The following TUBE1 variants were observed in gnomAD, a reference collection of about 807,000 sequenced individuals.
The protein encoded by TUBE1 is tubulin epsilon 1, also known as tubulin epsilon chain.
A neutral mutation model predicts 53.5 loss-of-function variants in TUBE1; 34 were observed. That is an observed-to-expected ratio of 0.64 (90% CI 0.48 to 0.85). The LOEUF (loss-of-function observed/expected upper bound fraction) is 0.85, where lower values mean the gene tolerates loss of function less well. Among genes scored for constraint, TUBE1 ranks in the 40% least tolerant of loss-of-function variants. The pLI is 0.00. For missense variants in TUBE1, 532 were observed against 570.5 expected (o/e 0.93, Z 0.69); for synonymous variants, 177 against 198.4 (o/e 0.89, Z 0.91).
At chr6:112,079,421 T>TAAAAAAAAAAAAAAAAAAAAAA (rs60207053) in intron 6 of TUBE1, 2 of 296,198 alleles carry the variant, frequency 6.8e-6, no homozygotes, top group African/African-American at 2.6e-5. Context: ...GGGCTTACAT[T>TAAAAAAAAAAAAAAAAAAAAAA]AAAAAAAAAA....
chr6:112,087,443 G>T lies in TUBE1; in HGVS notation c.-9C>A. 6.5e-7 allele frequency: 1 copy of T among 1,549,822 alleles called. No individual in the cohort carries two copies. Among genetic ancestry groups the T allele is most frequent in the Non-Finnish European group, 8.7e-7 (1 of 1,146,012 alleles). Reference sequence around the variant, plus strand: ...ACCACCGACTGGGTCATGGTGGTGCGCCGCCGGCTCCGGGAGCTTGCTAGC... The same window carrying T: ...ACCACCGACTGGGTCATGGTGGTGCTCCGCCGGCTCCGGGAGCTTGCTAGC... On this transcript the variant is annotated 5_prime_UTR_variant, in exon 1 of 12. Coordinates refer to ENST00000368662, the MANE Select transcript of TUBE1 (RefSeq NM_016262.5).
In TUBE1 at chr6:112,087,458, A is replaced by T. The variant is rs1382225017; in HGVS notation, c.-24T>A. ...ATGGTGGTGCGCCGCCGGCTCCGGG[A>T]GCTTGCTAGCCCGCGGCCGCTTCTG... On this transcript the variant is annotated 5_prime_UTR_variant, in exon 1 of 12. Coordinates refer to ENST00000368662, the MANE Select transcript of TUBE1 (RefSeq NM_016262.5). 4 of 1,548,906 alleles carry T rather than the reference A, an allele frequency of 2.6e-6. No individual in the cohort carries two copies. In the Admixed American group the frequency reaches 7.9e-5, roughly 30 times the overall value.
Position 112,071,924 on chromosome 6 carries a change from A to G in TUBE1, c.1247T>C (p.Phe416Ser). Reference protein sequence around the residue: ...KPTFMELKERFMRLYKKKAHL... With the variant: ...KPTFMELKERSMRLYKKKAHL... ...TACCTTTTTCTTGTAGAGCCTCATG[A>G]ATCTCTCTTTCAGTTCCATGAAGGT... The change falls in exon 11 of 12, where the codon TTC (phenylalanine) becomes TCC (serine). Residue 416 changes from phenylalanine (F) to serine (S), a missense_variant. By Grantham distance (155) the Phe-to-Ser change is radical. Coordinates refer to ENST00000368662, the MANE Select transcript of TUBE1 (RefSeq NM_016262.5). The G allele has an allele frequency of 1.2e-6, 2 of 1,604,526 alleles. No homozygotes were observed. The highest frequency in any genetic ancestry group is 1.7e-6 in the Non-Finnish European group (2 of 1,177,700).
At chr6:112,072,678 A>T (rs1554315513) in intron 10 of TUBE1, 80 bp downstream of exon 10, 1 of 1,465,374 alleles carries the variant, frequency 6.8e-7, no homozygotes, top group Non-Finnish European at 9.2e-7. Flanking sequence ...CTAGAATTTG[A>T]AGGGCGGCTG....
At chr6:112,078,972 T>C (rs1157527301) in intron 6 of TUBE1, among the ~76,000 whole-genome samples, 1 of 152,096 alleles carries the variant, frequency 6.6e-6, no homozygotes, top group East Asian at 1.9e-4. Context: ...TTGCTAAGCG[T>C]ATTTAAAAAT....
intron 5 of TUBE1, among the ~76,000 whole-genome samples, 164 bp downstream of exon 5, chr6:112,080,928 A>G (rs1777059675): frequency 6.6e-6 from 1 of 152,156 alleles, no homozygotes; most frequent in Non-Finnish European, 1.5e-5. Context: ...AACTAGGAGT[A>G]AATACAGGTG....
intron 9 of TUBE1, among the ~76,000 whole-genome samples, chr6:112,073,566 G>A (rs1289826840): frequency 3.3e-5 from 5 of 152,240 alleles, no homozygotes; most frequent in South Asian, 2.1e-4. Context: ...TGCATACACT[G>A]TGTATGTTGC....
chr6:112,071,690 G>C (rs1776868721), intron 11 of TUBE1, 120 bp from the exon 12 acceptor site: 2 of 1,006,050 alleles, frequency 2.0e-6, no homozygotes, highest in Admixed American at 5.8e-5. Context: ...ATTTGAAAGA[G>C]AACTTGTGTC....
At chr6:112,083,720 A>C (rs1447423285) in intron 4 of TUBE1, among the ~76,000 whole-genome samples, 2 of 152,248 alleles carry the variant, frequency 1.3e-5, no homozygotes, top group African/African-American at 2.4e-5. Flanking sequence ...ATATTGTTGG[A>C]ATGATTAAGA....
At chr6:112,083,567 T>C (rs1631968) in intron 4 of TUBE1, among the ~76,000 whole-genome samples, 46,763 of 151,848 alleles carry the variant, frequency 0.31, 7,675 homozygotes, top group African/African-American at 0.44. Flanking sequence ...ATCTGCCCGC[T>C]TCGGCCTCCC....
chr6:112,082,989 T>C (rs1554316919), intron 4 of TUBE1, among the ~76,000 whole-genome samples: 1 of 152,164 alleles, frequency 6.6e-6, no homozygotes, highest in Admixed American at 6.6e-5. Flanking sequence ...GATTTATTTT[T>C]TCCTAATAGT....
In TUBE1 at chr6:112,081,262, CTG is replaced by C; in HGVS notation, c.211-57_211-56del. On this transcript the variant is annotated intron_variant, in intron 4 of 11. Coordinates refer to ENST00000368662, the MANE Select transcript of TUBE1 (RefSeq NM_016262.5). ...GTATTTTCTTTTAGAGTTATTCACTCTGTAAATGAAAAGAATTTATGCGCTGA... is the reference window on the plus strand; with the variant it reads ...GTATTTTCTTTTAGAGTTATTCACTCTAAATGAAAAGAATTTATGCGCTGA... 10 of 987,750 alleles carry C rather than the reference CTG, an allele frequency of 1.0e-5. 1 individual carries two copies. The South Asian group carries it at 1.2e-4, about 12-fold the overall frequency. The allele number at this position is 987,750 out of a possible 1,614,324, so 61.2% of individuals were successfully genotyped here. A position where few individuals can be genotyped will look rare whatever the true frequency, so the allele number is the denominator to read the frequency against.
At chr6:112,086,632 T>G in intron 2 of TUBE1, 24 bp from the exon 3 acceptor site, 1 of 1,532,950 alleles carries the variant, frequency 6.5e-7, no homozygotes, top group Non-Finnish European at 9.0e-7. Context: ...CATATGTTAA[T>G]AGCATTTAGG....
In TUBE1 at chr6:112,074,821, A is replaced by G. The variant is rs782499712; in HGVS notation, c.842T>C (p.Met281Thr). The G allele has an allele frequency of 6.3e-7, 1 of 1,595,614 alleles. No individual in the cohort carries two copies. Among genetic ancestry groups the G allele is most frequent in the South Asian group, 1.2e-5 (1 of 86,290 alleles). The part of the protein sequence containing the change: ...SSARFEGSLN[M>T]DLNEISMNLV... Reference sequence around the variant, plus strand: ...ATTCATGCTGATTTCATTAAGGTCCATATTAAGGGACCCTTCAAATCTTGC... The same window carrying G: ...ATTCATGCTGATTTCATTAAGGTCCGTATTAAGGGACCCTTCAAATCTTGC... The change falls in exon 9 of 12, where the codon ATG becomes ACG. Residue 281 changes from methionine (M) to threonine (T), a missense_variant. Met to Thr is a moderately conservative substitution (Grantham distance 81). Coordinates refer to ENST00000368662, the MANE Select transcript of TUBE1 (RefSeq NM_016262.5).
chr6:112,073,860 CA>C (rs1776909087), intron 9 of TUBE1, among the ~76,000 whole-genome samples: 2 of 152,162 alleles, frequency 1.3e-5, no homozygotes, highest in Admixed American at 1.3e-4. Flanking sequence ...AATGCAGCCT[CA>C]AACTCCTGGG....
intron 3 of TUBE1, chr6:112,085,537 CA>C (rs1777135765): frequency 2.6e-6 from 1 of 380,854 alleles, no homozygotes; most frequent in Non-Finnish European, 5.3e-6. Flanking sequence ...GGAAGTATGA[CA>C]GAAGCAAATT....
chr6:112,079,603 T>A, intron 6 of TUBE1, 30 bp downstream of exon 6: 1 of 1,607,130 alleles, frequency 6.2e-7, no homozygotes, highest in South Asian at 1.1e-5. Flanking sequence ...CCTTTAACAC[T>A]GTTACAGGCA....
intron 4 of TUBE1, among the ~76,000 whole-genome samples, chr6:112,082,249 T>A (rs587709477): frequency 6.6e-6 from 1 of 152,176 alleles, no homozygotes; most frequent in East Asian, 1.9e-4. Flanking sequence ...GAGGACTGTA[T>A]AGGATTATGT....
At position 112,072,836 on chromosome 6, in the gene TUBE1, T is replaced by C. The variant is rs781799242; in HGVS notation, c.1016A>G (p.Lys339Arg). 1.9e-6 allele frequency: 3 copies of C among 1,613,604 alleles called. No individual in the cohort carries two copies. The highest frequency in any genetic ancestry group is 1.1e-5 in the South Asian group (1 of 91,072). Residue 339 changes from lysine (K) to arginine (R), a missense_variant, in exon 10 of 12, where the codon AAA becomes AGA. Lys to Arg is a conservative substitution (Grantham distance 26, BLOSUM62 2). Coordinates refer to ENST00000368662, the MANE Select transcript of TUBE1 (RefSeq NM_016262.5). ...KDHQLLRADPKHSLYLACALM... is the reference protein window; with the variant it reads ...KDHQLLRADPRHSLYLACALM... The stretch of plus-strand genomic sequence containing the variant: ...TGCACAGGCGAGGTAAAGACTGTGT[T>C]TGGGGTCTGCCCGAAGCAGCTGGTG...
Sources: allele counts gnomAD v4.1 joint callset (sites outside exome capture counted in the v4.1 genomes callset), GRCh38; gene constraint gnomAD v4.1.1; transcripts MANE v1.5; gene names NCBI Gene and HGNC (gene_info 2026-07-23, HGNC 2026-07-21).